Variants in WDPCP observed in about 807,000 individuals in gnomAD.
WDPCP encodes the protein WD repeat-containing and planar cell polarity effector protein fritz homolog.
In WDPCP, 71 loss-of-function variants were observed where a neutral mutation model predicts 93.1. The observed-to-expected ratio is 0.76, with a 90% CI of 0.63 to 0.93. The LOEUF (loss-of-function observed/expected upper bound fraction) is 0.93, where lower values mean the gene tolerates loss of function less well. Ranked by LOEUF, WDPCP falls within the 40% of genes least tolerant of loss-of-function variation. The probability of loss-of-function intolerance (pLI) is 0.00; values close to 1 mark genes in which losing one functional copy is unlikely to be tolerated. For missense variants in WDPCP, 844 were observed against 887.4 expected, an observed-to-expected ratio of 0.95 and a Z score of 0.62; for synonymous variants, 315 against 315.0, an observed-to-expected ratio of 1.00 and a Z score of 0.00.
intron 2 of WDPCP, among the ~76,000 whole-genome samples, chr2:63,723,035 C>T (rs1285374568): frequency 2.0e-5 from 3 of 152,208 alleles, no homozygotes; most frequent in Admixed American, 6.6e-5. Flanking sequence ...CAGCGTTGAA[C>T]GGATTAAGGG....
At chr2:63,745,643 T>TACACACACACAC (rs5831669) in intron 2 of WDPCP, among the ~76,000 whole-genome samples, 1 of 149,670 alleles carries the variant, frequency 6.7e-6, no homozygotes, top group African/African-American at 2.4e-5. Context: ...TGCACGCACT[T>TACACACACACAC]ACACACACAC....
At chr2:63,189,540 G>A (rs1408685921) in intron 14 of WDPCP, among the ~76,000 whole-genome samples, 1 of 152,124 alleles carries the variant, frequency 6.6e-6, no homozygotes. Context: ...TGTCACTTAT[G>A]TATATTATTT....
intron 12 of WDPCP, among the ~76,000 whole-genome samples, chr2:63,371,624 C>G (rs1025209602): frequency 1.3e-5 from 2 of 151,920 alleles, no homozygotes; most frequent in African/African-American, 4.8e-5. Flanking sequence ...TTAGTGAGGC[C>G]TTCCCTGACA....
At chr2:63,702,150 C>G (rs1165690656) in intron 2 of WDPCP, among the ~76,000 whole-genome samples, 1 of 152,072 alleles carries the variant, frequency 6.6e-6, no homozygotes. Flanking sequence ...CTCAGCCTCC[C>G]GAGTAGCTGG....
chr2:63,482,882 C>T (rs1700351711), intron 6 of WDPCP, among the ~76,000 whole-genome samples: 1 of 151,804 alleles, frequency 6.6e-6, no homozygotes, highest in African/African-American at 2.4e-5. Flanking sequence ...ACGTTAAAAG[C>T]AGATTCATTG....
At chr2:63,573,954 T>C (rs188067630) in intron 1 of WDPCP, among the ~76,000 whole-genome samples, 32 of 152,300 alleles carry the variant, frequency 2.1e-4, no homozygotes, top group Middle Eastern at 3.4e-3. Flanking sequence ...CCAGGCTTAT[T>C]AGGACGAGGA....
chr2:63,762,311 T>C (rs1394708978), intron 2 of WDPCP, among the ~76,000 whole-genome samples: 1 of 152,174 alleles, frequency 6.6e-6, no homozygotes, highest in Non-Finnish European at 1.5e-5. Context: ...CCTTTGATCA[T>C]TATGTGAGCA....
At chr2:63,449,047 A>G (rs35435328) in intron 6 of WDPCP, among the ~76,000 whole-genome samples, 1 of 152,212 alleles carries the variant, frequency 6.6e-6, no homozygotes, top group African/African-American at 2.4e-5. Context: ...GAGATGATGG[A>G]TATGTTAACT....
intron 6 of WDPCP, among the ~76,000 whole-genome samples, chr2:63,484,054 A>T (rs1434723111): frequency 6.6e-6 from 1 of 152,028 alleles, no homozygotes; most frequent in Non-Finnish European, 1.5e-5. Context: ...CGGGTAGTGC[A>T]ACTGAAGAAC....
At chr2:63,573,664 C>CTTCAA (rs1707709361) in intron 1 of WDPCP, among the ~76,000 whole-genome samples, 2 of 152,036 alleles carry the variant, frequency 1.3e-5, no homozygotes, top group African/African-American at 4.8e-5. Flanking sequence ...GAAATCTGGG[C>CTTCAA]ACCTTGAAAA....
At chr2:63,611,086 A>G (rs865951228) in intron 3 of WDPCP, among the ~76,000 whole-genome samples, 13 of 152,198 alleles carry the variant, frequency 8.5e-5, no homozygotes, top group Non-Finnish European at 1.5e-5. Flanking sequence ...TGACAGTGCA[A>G]GACCCTGTCT....
intron 14 of WDPCP, among the ~76,000 whole-genome samples, chr2:63,185,558 A>G (rs954765090): frequency 1.3e-5 from 2 of 152,144 alleles, no homozygotes; most frequent in African/African-American, 4.8e-5. Flanking sequence ...TGTTTGTAGT[A>G]GCGGTATACC....
chr2:63,536,156 CAAT>C (rs1242994570), intron 1 of WDPCP, among the ~76,000 whole-genome samples: 2 of 152,170 alleles, frequency 1.3e-5, no homozygotes, highest in African/African-American at 2.4e-5. Flanking sequence ...ATCAAAACCA[CAAT>C]GAGATACCAT....
chr2:63,159,852 C>A (rs1672528950), intron 15 of WDPCP, among the ~76,000 whole-genome samples: 1 of 152,136 alleles, frequency 6.6e-6, no homozygotes, highest in Non-Finnish European at 1.5e-5. Context: ...CACATGCATA[C>A]CTTGGGGTAA....
At chr2:63,602,347 G>GTTTTTTTTTTT (rs144884000) in intron 3 of WDPCP, among the ~76,000 whole-genome samples, 3 of 104,004 alleles carry the variant, frequency 2.9e-5, no homozygotes, top group Non-Finnish European at 5.5e-5. Flanking sequence ...GTTGGTTGGG[G>GTTTTTTTTTTT]TTTTTTTTTT....
At chr2:63,217,784 A>G (rs776009158) in intron 14 of WDPCP, among the ~76,000 whole-genome samples, 3 of 152,130 alleles carry the variant, frequency 2.0e-5, no homozygotes, top group Non-Finnish European at 4.4e-5. Context: ...TTACTTCAAA[A>G]CTAGTTTGGG....
intron 1 of WDPCP, among the ~76,000 whole-genome samples, chr2:63,585,266 T>C (rs1019023241): frequency 6.6e-6 from 1 of 152,216 alleles, no homozygotes; most frequent in Non-Finnish European, 1.5e-5. Context: ...TAATTATTTT[T>C]AAAATACTAC....
intron 1 of WDPCP, among the ~76,000 whole-genome samples, chr2:63,570,971 T>A (rs1707450855): frequency 6.6e-6 from 1 of 152,012 alleles, no homozygotes; most frequent in South Asian, 2.1e-4. Flanking sequence ...AGTGGCACGA[T>A]CTCAGCTCAC....
intron 12 of WDPCP, among the ~76,000 whole-genome samples, chr2:63,321,048 T>A (rs540970336): frequency 1.9e-4 from 29 of 151,636 alleles, no homozygotes; most frequent in Non-Finnish European, 3.7e-4. Flanking sequence ...TAAAAAACAG[T>A]ATTAAAGGAG....
Sources: allele counts gnomAD v4.1 joint callset (sites outside exome capture counted in the v4.1 genomes callset), GRCh38; gene constraint gnomAD v4.1.1; transcripts MANE v1.5; gene names NCBI Gene and HGNC (gene_info 2026-07-23, HGNC 2026-07-21).